Variants in MSI2 observed in about 807,000 individuals in gnomAD.
MSI2 encodes the protein musashi RNA binding protein 2, also known as RNA-binding protein Musashi homolog 2.
MSI2 carries 17 observed loss-of-function variants against 45.6 expected under a neutral mutation model. That is an observed-to-expected ratio of 0.37 (90% CI 0.26 to 0.56). The LOEUF is 0.56. MSI2 is among the 20% of genes least tolerant of loss of function. MSI2 has a pLI of 0.77. For missense variants in MSI2, 293 were observed against 444.2 expected (o/e 0.66, Z 3.06); for synonymous variants, 156 against 158.2 (o/e 0.99, Z 0.11).
At chr17:57,416,961 C>T (rs9913278) in intron 6 of MSI2, among the ~76,000 whole-genome samples, 22,786 of 152,052 alleles carry the variant, frequency 0.15, 2,211 homozygotes, top group East Asian at 0.28. Flanking sequence ...AGGTGGGGTG[C>T]CCACCCATGT....
intron 7 of MSI2, among the ~76,000 whole-genome samples, chr17:57,585,853 C>G (rs979995085): frequency 6.6e-6 from 1 of 152,244 alleles, no homozygotes; most frequent in Admixed American, 6.5e-5. Context: ...AGAGCAGATG[C>G]GGAGGCGGCA....
chr17:57,342,470 G>A (rs544056802), intron 5 of MSI2, among the ~76,000 whole-genome samples: 28 of 152,368 alleles, frequency 1.8e-4, no homozygotes, highest in Middle Eastern at 3.4e-3. Flanking sequence ...TTGACTTCTA[G>A]TGTGTTTTAG....
At chr17:57,560,808 C>T (rs2144243717) in intron 7 of MSI2, among the ~76,000 whole-genome samples, 1 of 152,306 alleles carries the variant, frequency 6.6e-6, no homozygotes, top group African/African-American at 2.4e-5. Context: ...TTGCCACCAG[C>T]ACAAGCATGC....
chr17:57,575,165 C>A (rs543584708), intron 7 of MSI2, among the ~76,000 whole-genome samples: 2 of 148,690 alleles, frequency 1.3e-5, no homozygotes, highest in South Asian at 4.4e-4. Flanking sequence ...CCCGCCACCC[C>A]CCGGCTGGAG....
At chr17:57,692,928 CTTTG>C in the MSI2 span, among the ~76,000 whole-genome samples, 1 of 138,820 alleles carries the variant, frequency 7.2e-6, no homozygotes, top group African/African-American at 2.7e-5. Flanking sequence ...TGTTTTGTCT[CTTTG>C]TTTAATTTAT....
intron 7 of MSI2, among the ~76,000 whole-genome samples, chr17:57,555,347 T>C (rs1322242848): frequency 1.3e-5 from 2 of 151,992 alleles, no homozygotes; most frequent in Non-Finnish European, 2.9e-5. Flanking sequence ...GAGGGATCTT[T>C]CTGAAATGTG....
intron 6 of MSI2, among the ~76,000 whole-genome samples, chr17:57,410,025 A>AAAAAAAAAAAAAAAAAAAAAAAAGGGGGG (rs2084164914): frequency 6.7e-6 from 1 of 148,898 alleles, no homozygotes; most frequent in African/African-American, 2.5e-5. Context: ...AAAAAAAAAA[A>AAAAAAAAAAAAAAAAAAAAAAAAGGGGGG]TGGGGAGTAT....
chr17:57,412,897 C>A (rs2143212756), intron 6 of MSI2, among the ~76,000 whole-genome samples: 1 of 152,334 alleles, frequency 6.6e-6, no homozygotes, highest in Admixed American at 6.5e-5. Flanking sequence ...CATTTAACTT[C>A]TTCCCACCTC....
intron 6 of MSI2, among the ~76,000 whole-genome samples, chr17:57,490,069 T>C (rs1483064889): frequency 6.6e-6 from 1 of 152,136 alleles, no homozygotes; most frequent in Non-Finnish European, 1.5e-5. Context: ...CCAAAGATCA[T>C]GGACTGTGGC....
chr17:57,613,961 C>G (rs1567936504), intron 8 of MSI2, among the ~76,000 whole-genome samples: 1 of 152,180 alleles, frequency 6.6e-6, no homozygotes. Flanking sequence ...TAACCTTGAG[C>G]ACTAAAATAT....
At chr17:57,298,978 G>C (rs1183750504) in intron 5 of MSI2, among the ~76,000 whole-genome samples, 2 of 152,234 alleles carry the variant, frequency 1.3e-5, no homozygotes, top group South Asian at 4.1e-4. Context: ...ATCTCGGCTA[G>C]ATCTTCTGGA....
At chr17:57,338,129 G>A (rs187422357) in intron 5 of MSI2, among the ~76,000 whole-genome samples, 2 of 152,114 alleles carry the variant, frequency 1.3e-5, no homozygotes, top group East Asian at 1.9e-4. Flanking sequence ...TCTCTCTGTC[G>A]CCCAGGTTGG....
intron 6 of MSI2, among the ~76,000 whole-genome samples, chr17:57,496,428 C>T (rs1018623019): frequency 6.6e-6 from 1 of 151,184 alleles, no homozygotes; most frequent in Non-Finnish European, 1.5e-5. Context: ...TTCCAGGAGG[C>T]TGATGAACGG....
intron 5 of MSI2, 35 bp from the exon 6 acceptor site, chr17:57,401,344 G>A (rs2083986236): frequency 1.3e-6 from 2 of 1,566,118 alleles, no homozygotes; most frequent in African/African-American, 1.4e-5. Flanking sequence ...AGATAACCTG[G>A]TTAACCCATG....
intron 5 of MSI2, among the ~76,000 whole-genome samples, chr17:57,277,089 T>C (rs1356856631): frequency 2.0e-5 from 3 of 148,388 alleles, no homozygotes; most frequent in South Asian, 2.1e-4. Flanking sequence ...AAAATTCTGC[T>C]GTCTCGCCCA....
chr17:57,476,290 A>G (rs1259963260), intron 6 of MSI2, among the ~76,000 whole-genome samples: 29 of 152,140 alleles, frequency 1.9e-4, no homozygotes, highest in Non-Finnish European at 4.4e-5. Context: ...CTCTGCATCC[A>G]CACTGCATTG....
intron 5 of MSI2, among the ~76,000 whole-genome samples, chr17:57,365,443 C>G (rs1016931910): frequency 6.6e-6 from 1 of 152,122 alleles, no homozygotes; most frequent in Non-Finnish European, 1.5e-5. Flanking sequence ...TTCCTGCCTG[C>G]GTGGAGCTCA....
intron 5 of MSI2, among the ~76,000 whole-genome samples, chr17:57,370,341 T>C (rs911499244): frequency 6.6e-6 from 1 of 151,908 alleles, no homozygotes; most frequent in African/African-American, 2.4e-5. Flanking sequence ...CAGCAAAGAG[T>C]AGGATTACGT....
chr17:57,632,505 G>T, intron 10 of MSI2: 1 of 1,066,674 alleles, frequency 9.4e-7, no homozygotes, highest in Non-Finnish European at 1.1e-6. Flanking sequence ...TCCACAGTGG[G>T]CCCCGCCTTC....
Sources: gnomAD v4.1 joint callset for allele counts (sites outside exome capture counted in the v4.1 genomes callset) on GRCh38, gnomAD v4.1.1 for gene constraint, MANE v1.5 for transcripts, NCBI Gene and HGNC (gene_info 2026-07-23, HGNC 2026-07-21) for gene names.